The following ADAMTSL3 variants were observed in gnomAD, a reference collection of about 807,000 sequenced individuals.
The protein encoded by ADAMTSL3 is ADAMTS like 3.
ADAMTSL3 carries 128 observed loss-of-function variants against 201.7 expected under a neutral mutation model. The observed-to-expected ratio is 0.63, with a 90% CI of 0.55 to 0.73. The LOEUF (loss-of-function observed/expected upper bound fraction) is 0.73, where lower values mean the gene tolerates loss of function less well. Ranked by LOEUF, ADAMTSL3 falls within the 30% of genes least tolerant of loss-of-function variation. ADAMTSL3 has a pLI of 0.00. For missense variants in ADAMTSL3, 1,990 were observed against 2,119.6 expected, an observed-to-expected ratio of 0.94 and a Z score of 1.20; for synonymous variants, 738 against 748.4, an observed-to-expected ratio of 0.99 and a Z score of 0.23.
chr15:83,731,060 C>CT (rs1265718513), intron 3 of ADAMTSL3, among the ~76,000 whole-genome samples: 1 of 151,964 alleles, frequency 6.6e-6, no homozygotes, highest in Non-Finnish European at 1.5e-5. Flanking sequence ...TTCTTGGCCC[C>CT]TTGTTGAAAA....
chr15:84,021,710 C>G (rs2068208861), intron 26 of ADAMTSL3, 117 bp downstream of exon 26: 1 of 1,071,748 alleles, frequency 9.3e-7, no homozygotes. Flanking sequence ...TTACTGTATA[C>G]TAGGCATCCT....
chr15:83,938,190 T>C (rs2011645), intron 17 of ADAMTSL3, among the ~76,000 whole-genome samples: 128,170 of 151,560 alleles, frequency 0.85, 54,747 homozygotes, highest in African/African-American at 0.95. Context: ...GCCCTTATAC[T>C]ATTTGTTAAG....
chr15:83,943,563 T>C (rs942355361), intron 19 of ADAMTSL3, among the ~76,000 whole-genome samples: 2 of 152,232 alleles, frequency 1.3e-5, no homozygotes, highest in Non-Finnish European at 2.9e-5. Flanking sequence ...AGAATTCTAG[T>C]AGATCGTTTC....
intron 17 of ADAMTSL3, among the ~76,000 whole-genome samples, chr15:83,926,030 G>A (rs1437986631): frequency 3.3e-5 from 5 of 152,172 alleles, no homozygotes; most frequent in South Asian, 2.1e-4. Flanking sequence ...TGGGGATGGG[G>A]CACGAGGTAG....
rs780788189 is a variant in ADAMTSL3 at position 83,982,638 on chromosome 15, G to A, written c.3010G>A (p.Ala1004Thr). 1.6e-5 allele frequency: 26 copies of A among 1,613,998 alleles called. No homozygotes were observed. Among genetic ancestry groups the A allele is most frequent in the East Asian group, 4.5e-5 (2 of 44,896 alleles). ...KLIGTDNRLI[A>T]RPALREPMRE... ...CATTGGTACTGACAACCGGCTCATC[G>A]CACGCCCAGCCCTCAGGGAGCCTAT... is the stretch of plus-strand genomic sequence containing the variant. The change falls in exon 21 of 30, where the codon GCA becomes ACA. Residue 1004 changes from alanine (A) to threonine (T), a missense_variant. Transcript: ENST00000286744.
chr15:83,982,557 A>G lies in ADAMTSL3; in HGVS notation c.2929A>G (p.Ile977Val), dbSNP rs138774379. The part of the protein sequence containing the change: ...LKIHGLAAPD[I>V]GVYRCIAGSA... The stretch of plus-strand genomic sequence containing the variant: ...AATCCATGGTCTTGCTGCCCCCGAC[A>G]TCGGCGTGTACCGGTGCATTGCAGG... The change falls in exon 21 of 30, where the codon ATC (isoleucine) becomes GTC (valine). Residue 977 changes from isoleucine (I) to valine (V), a missense_variant. Transcript: ENST00000286744. 1.7e-5 allele frequency: 28 copies of G among 1,614,152 alleles called. No homozygotes were observed. In the East Asian group the frequency reaches 2.7e-4, roughly 15 times the overall value.
chr15:83,850,289 A>G (rs981593738), intron 7 of ADAMTSL3, among the ~76,000 whole-genome samples: 1 of 151,768 alleles, frequency 6.6e-6, no homozygotes, highest in African/African-American at 2.4e-5. Context: ...CACTCCACCC[A>G]TCATCCCCTC....
chr15:83,935,879 A>G (rs544611910), intron 17 of ADAMTSL3, among the ~76,000 whole-genome samples: 7 of 152,204 alleles, frequency 4.6e-5, no homozygotes, highest in Middle Eastern at 3.4e-3. Flanking sequence ...TAATACATAT[A>G]CTTTAAAAAG....
chr15:83,804,592 A>G lies in ADAMTSL3; in HGVS notation c.318-58A>G, dbSNP rs1034517958. On this transcript the variant is annotated intron_variant, in intron 4 of 29. Transcript: ENST00000286744. ...TATTTGCTTTTTTTTTTTTTTTTTA[A>G]TGCTTGCCTCTTCTATGAAATCATT... 3.9e-6 allele frequency: 4 copies of G among 1,019,328 alleles called. No individual in the cohort carries two copies. In the African/African-American group the frequency reaches 7.1e-5, roughly 18 times the overall value. The allele number at this position is 1,019,328 out of a possible 1,614,324, so 63.1% of individuals were successfully genotyped here.
intron 2 of ADAMTSL3, among the ~76,000 whole-genome samples, chr15:83,666,224 G>T (rs946215972): frequency 2.0e-5 from 3 of 152,004 alleles, no homozygotes; most frequent in Non-Finnish European, 4.4e-5. Context: ...TTCCTATAAT[G>T]ATATTAAATG....
At chr15:83,910,241 T>G (rs764584206) in intron 15 of ADAMTSL3, among the ~76,000 whole-genome samples, 4 of 152,102 alleles carry the variant, frequency 2.6e-5, no homozygotes, top group Non-Finnish European at 5.9e-5. Flanking sequence ...AGTTCTTCCA[T>G]GTGCAAAGAC....
Position 83,942,486 on chromosome 15 carries a change from A to C in ADAMTSL3, c.2118-110A>C, listed in dbSNP as rs2066578940. 4 of 919,936 alleles carry C rather than the reference A, an allele frequency of 4.3e-6. No individual in the cohort carries two copies. In the East Asian group the frequency reaches 9.8e-5, roughly 23 times the overall value. The allele number at this position is 919,936 out of a possible 1,614,324, so 57.0% of individuals were successfully genotyped here. A position where few individuals can be genotyped will look rare whatever the true frequency, so the allele number is the denominator to read the frequency against. ...TGCTGTGACTGTAGAATCTGTATAC[A>C]GGGTGTGAAGTCTGGAAGCCCAGAG... On this transcript the variant is annotated intron_variant, in intron 17 of 29. Transcript: ENST00000286744.
intron 15 of ADAMTSL3, among the ~76,000 whole-genome samples, chr15:83,910,886 C>T (rs1025402437): frequency 8.6e-5 from 13 of 151,716 alleles, no homozygotes; most frequent in African/African-American, 1.7e-4. Flanking sequence ...GTGATTCGCC[C>T]GCCTCAGCCT....
At chr15:83,801,655 T>TAAATATAAATATAA (rs1352203811) in intron 4 of ADAMTSL3, among the ~76,000 whole-genome samples, 1 of 37,108 alleles carries the variant, frequency 2.7e-5, no homozygotes, top group African/African-American at 7.9e-5. Context: ...AATATAAATA[T>TAAATATAAATATAA]ATATATATAT....
At chr15:84,021,666 C>A in intron 26 of ADAMTSL3, 73 bp downstream of exon 26, 1 of 1,502,214 alleles carries the variant, frequency 6.7e-7, no homozygotes, top group Non-Finnish European at 9.0e-7. Context: ...GTGATTTGGA[C>A]ATAATAATTC....
At chr15:83,879,725 A>G (rs763344731) in intron 9 of ADAMTSL3, among the ~76,000 whole-genome samples, 5 of 152,226 alleles carry the variant, frequency 3.3e-5, no homozygotes, top group African/African-American at 7.2e-5. Flanking sequence ...TGTTCTATGT[A>G]TGTCAATTAG....
At chr15:83,880,875 A>G (rs1016925712) in intron 9 of ADAMTSL3, among the ~76,000 whole-genome samples, 2 of 152,092 alleles carry the variant, frequency 1.3e-5, no homozygotes, top group Admixed American at 6.6e-5. Flanking sequence ...GTTAATACCA[A>G]TATCTGGATT....
chr15:83,792,758 C>T (rs1463587041), intron 4 of ADAMTSL3, among the ~76,000 whole-genome samples: 1 of 149,430 alleles, frequency 6.7e-6, no homozygotes, highest in African/African-American at 2.5e-5. Flanking sequence ...ACACCATGCA[C>T]ACCAGCCTGG....
chr15:84,014,185 A>C lies in ADAMTSL3; in HGVS notation c.3974-357A>C, dbSNP rs62026481. ...CCTGGGAGTTTCTCACTGTGTCTCT[A>C]CCTCCACATTCCCCCAGCTTCACCG... On this transcript the variant is annotated intron_variant, in intron 23 of 29. Coordinates refer to ENST00000286744, the MANE Select transcript of ADAMTSL3 (RefSeq NM_207517.3). Among the ~76,000 whole-genome samples the C allele has an allele frequency of 5.6e-3, 855 of 152,152 alleles. 4 individuals carry two copies. Among genetic ancestry groups the C allele is most frequent in the Admixed American group, 8.8e-3 (135 of 15,290 alleles).
Sources: gnomAD v4.1 joint callset for allele counts (sites outside exome capture counted in the v4.1 genomes callset) on GRCh38, gnomAD v4.1.1 for gene constraint, MANE v1.5 for transcripts, NCBI Gene and HGNC (gene_info 2026-07-23, HGNC 2026-07-21) for gene names.